The following SLC25A46 variants were observed in gnomAD, a reference collection of about 807,000 sequenced individuals.
SLC25A46 encodes solute carrier family 25 member 46.
In SLC25A46, 39 loss-of-function variants were observed where a neutral mutation model predicts 44.6. The ratio of observed to expected loss-of-function variants is 0.87; its 90% CI spans 0.68 to 1.14. SLC25A46 has a LOEUF of 1.14. Among genes scored for constraint, SLC25A46 ranks in the 50% most tolerant of loss-of-function variants. SLC25A46 has a pLI of 0.00. For synonymous variants in SLC25A46, 202 were observed against 185.8 expected (o/e 1.09, Z -0.71); for missense variants, 547 against 522.7 (o/e 1.05, Z -0.45).
chr5:110,756,803 T>C (rs755959710), intron 7 of SLC25A46, 44 bp downstream of exon 7: 18 of 1,363,586 alleles, frequency 1.3e-5, no homozygotes, highest in Non-Finnish European at 1.7e-5. Context: ...TTAAGAATAG[T>C]TTTTTGACTA....
At chr5:110,752,958 G>C (rs559939738) in intron 5 of SLC25A46, among the ~76,000 whole-genome samples, 1 of 152,204 alleles carries the variant, frequency 6.6e-6, no homozygotes, top group African/African-American at 2.4e-5. Context: ...TAAGAAAGGT[G>C]GTCTTGAAAA....
chr5:110,753,132 A>T, intron 5 of SLC25A46, among the ~76,000 whole-genome samples: 1 of 152,092 alleles, frequency 6.6e-6, no homozygotes, highest in South Asian at 2.1e-4. Flanking sequence ...CATGCAGATT[A>T]TTGGAGACTT....
intron 3 of SLC25A46, 138 bp downstream of exon 3, chr5:110,743,925 T>A: frequency 1.9e-6 from 1 of 535,902 alleles, no homozygotes; most frequent in Non-Finnish European, 3.2e-6. Flanking sequence ...CAAAACCTCT[T>A]TAAAGTCTTA....
chr5:110,760,346 T>G (rs554715209), intron 7 of SLC25A46, among the ~76,000 whole-genome samples: 1 of 152,278 alleles, frequency 6.6e-6, no homozygotes, highest in Admixed American at 6.5e-5. Flanking sequence ...CCAGTAACTT[T>G]TGAACTGGTT....
At chr5:110,745,052 T>A (rs1361676853) in intron 3 of SLC25A46, among the ~76,000 whole-genome samples, 1 of 152,258 alleles carries the variant, frequency 6.6e-6, no homozygotes, top group Non-Finnish European at 1.5e-5. Flanking sequence ...TTGATGGTGC[T>A]GCCTCAATTT....
chr5:110,753,390 C>G (rs1800020296), intron 5 of SLC25A46: 1 of 148,890 alleles, frequency 6.7e-6, no homozygotes, highest in African/African-American at 2.5e-5. Context: ...AATTTTATTG[C>G]CTTTTTTGTG....
chr5:110,741,946 A>C, intron 1 of SLC25A46, 101 bp from the exon 2 acceptor site: 1 of 800,056 alleles, frequency 1.2e-6, no homozygotes, highest in East Asian at 2.8e-5. Context: ...CAGCAGGTTA[A>C]TAAAATAAAT....
chr5:110,760,818 T>G (rs1244654618), intron 7 of SLC25A46, among the ~76,000 whole-genome samples: 4 of 152,148 alleles, frequency 2.6e-5, no homozygotes. Context: ...GTTAAGTAAC[T>G]TGACAATGGT....
Position 110,763,020 on chromosome 5 carries a change from T to G in SLC25A46, c.*1238T>G, listed in dbSNP as rs1407318124. The G allele has an allele frequency of 2.0e-5, 3 of 151,892 alleles. No homozygotes were observed. Among genetic ancestry groups the G allele is most frequent in the Non-Finnish European group, 2.9e-5 (2 of 67,886 alleles). 9.4% of individuals were successfully genotyped at this position (151,892 alleles called of 1,614,324 possible). The stretch of plus-strand genomic sequence containing the variant: ...GAGGGGAAAAAGTACATTTGTACAT[T>G]TCAACATATAATAAGCAAAAAAATT... On this transcript the variant is annotated 3_prime_UTR_variant, in exon 8 of 8. Coordinates refer to ENST00000355943, the MANE Select transcript of SLC25A46 (RefSeq NM_138773.4).
intron 6 of SLC25A46, chr5:110,756,271 C>T (rs1364444272): frequency 6.6e-6 from 1 of 150,996 alleles, no homozygotes; most frequent in African/African-American, 2.5e-5. Flanking sequence ...AGGGACTTCA[C>T]TCACCATTGA....
chr5:110,745,230 T>G (rs577513074), intron 3 of SLC25A46, among the ~76,000 whole-genome samples: 1 of 152,204 alleles, frequency 6.6e-6, no homozygotes, highest in South Asian at 2.1e-4. Context: ...TGGACCCCAC[T>G]TGCAAACTCT....
intron 5 of SLC25A46, chr5:110,754,157 A>G (rs1207468589): frequency 1.3e-5 from 2 of 152,022 alleles, no homozygotes; most frequent in Non-Finnish European, 2.9e-5. Context: ...TCTCTGATGT[A>G]TGTATATGCT....
intron 5 of SLC25A46, among the ~76,000 whole-genome samples, chr5:110,749,958 G>T (rs1042129119): frequency 6.6e-6 from 1 of 152,070 alleles, no homozygotes; most frequent in Non-Finnish European, 1.5e-5. Context: ...AAAGGCTTTG[G>T]AATGGTTTGT....
chr5:110,755,229 G>T, intron 5 of SLC25A46: 3 of 311,814 alleles, frequency 9.6e-6, no homozygotes, highest in Non-Finnish European at 1.8e-5. Context: ...TGTGCCTCTT[G>T]CTTCTCTGCC....
chr5:110,746,371 T>G (rs376105393), intron 4 of SLC25A46, 25 bp downstream of exon 4: 4 of 1,468,802 alleles, frequency 2.7e-6, no homozygotes, highest in Admixed American at 2.1e-5. Flanking sequence ...TGGATTCTAT[T>G]AAAGGTTTAT....
intron 4 of SLC25A46, among the ~76,000 whole-genome samples, chr5:110,747,607 G>A (rs1799852801): frequency 6.6e-6 from 1 of 152,084 alleles, no homozygotes; most frequent in Non-Finnish European, 1.5e-5. Flanking sequence ...ACCAGAGACA[G>A]TGAAACTTGT....
rs748373062 is a variant in SLC25A46 at position 110,739,282 on chromosome 5, C to A, written c.163C>A (p.Leu55Met). 1.3e-6 allele frequency: 2 copies of A among 1,576,402 alleles called. No homozygotes were observed. The highest frequency in any genetic ancestry group is 1.7e-4 in the Middle Eastern group (1 of 6,026). ...CCCAGATATCCCCGGCAGCCGCAAC[C>A]TGCACTGGGGCGAGAAGAGCCCGCC... Reference protein sequence around the residue: ...TPPDIPGSRNLHWGEKSPPYG... With the variant: ...TPPDIPGSRNMHWGEKSPPYG... Residue 55 changes from leucine to methionine, a missense_variant, in exon 1 of 8, where the codon CTG becomes ATG. Transcript: ENST00000355943.
At chr5:110,740,779 G>A (rs537336869) in intron 1 of SLC25A46, among the ~76,000 whole-genome samples, 4 of 152,044 alleles carry the variant, frequency 2.6e-5, no homozygotes, top group African/African-American at 9.6e-5. Flanking sequence ...ATGAAACCCC[G>A]TCTCCACTAA....
intron 5 of SLC25A46, chr5:110,753,323 T>C (rs1186336993): frequency 1.3e-5 from 2 of 149,674 alleles, no homozygotes; most frequent in Non-Finnish European, 3.0e-5. Flanking sequence ...TTTTTTTAAT[T>C]AGGATAGCTA....
Sources: gnomAD v4.1 joint callset for allele counts (sites outside exome capture counted in the v4.1 genomes callset) on GRCh38, gnomAD v4.1.1 for gene constraint, MANE v1.5 for transcripts, NCBI Gene and HGNC (gene_info 2026-07-23, HGNC 2026-07-21) for gene names.